Variants in AGO1 observed in about 807,000 individuals in gnomAD.
AGO1 encodes the protein protein argonaute-1.
A neutral mutation model predicts 109.2 loss-of-function variants in AGO1; 11 were observed. The ratio of observed to expected loss-of-function variants is 0.10; its 90% CI spans 0.06 to 0.17. The LOEUF is 0.17. Among genes scored for constraint, AGO1 ranks in the 10% least tolerant of loss-of-function variants. The pLI is 1.00. For synonymous variants in AGO1, 422 were observed against 418.6 expected, an observed-to-expected ratio of 1.01 and a Z score of -0.10; for missense variants, 574 against 1,140.3, an observed-to-expected ratio of 0.50 and a Z score of 7.15.
intron 17 of AGO1, 32 bp downstream of exon 17, chr1:35,918,455 G>A (rs1180376961): frequency 1.3e-6 from 2 of 1,523,182 alleles, no homozygotes; most frequent in Non-Finnish European, 1.8e-6. Context: ...GTTCCAATGG[G>A]TCAAAGATGA....
chr1:35,918,270 T>C, intron 16 of AGO1, 52 bp from the exon 17 acceptor site: 8 of 1,441,342 alleles, frequency 5.6e-6, no homozygotes, highest in Non-Finnish European at 6.8e-6. Context: ...GCCAGGGTCC[T>C]GGTTAGGGCC....
At chr1:35,900,685 C>T (rs1436590922) in intron 8 of AGO1, among the ~76,000 whole-genome samples, 1 of 152,064 alleles carries the variant, frequency 6.6e-6, no homozygotes, top group Non-Finnish European at 1.5e-5. Context: ...CGAGATCGTG[C>T]CATTGCACTT....
In AGO1 at chr1:35,893,883, G is replaced by C. The variant is rs1410213005; in HGVS notation, c.649+73G>C. 6 of 1,560,282 alleles carry C rather than the reference G, an allele frequency of 3.8e-6. No individual in the cohort carries two copies. The highest frequency in any genetic ancestry group is 4.4e-6 in the Non-Finnish European group (5 of 1,148,768). ...CACACTCCCAGCCTCATCCCTCCCA[G>C]CTCTGCAACCACACTCCTAGTCTAA... is the stretch of plus-strand genomic sequence containing the variant. On this transcript the variant is annotated intron_variant, in intron 5 of 18. Coordinates refer to ENST00000373204, the MANE Select transcript of AGO1 (RefSeq NM_012199.5). This position sits in a 1 kb window ranked among gnomAD's most constrained non-coding sequence, Gnocchi z 5.6.
chr1:35,917,099 G>C (rs192415917), intron 15 of AGO1, among the ~76,000 whole-genome samples: 3 of 152,138 alleles, frequency 2.0e-5, no homozygotes, highest in Admixed American at 1.3e-4. Flanking sequence ...CCCTTAGCTA[G>C]CCTGTTTTCT....
At chr1:35,900,366 T>G (rs915877402) in intron 8 of AGO1, among the ~76,000 whole-genome samples, 1 of 152,250 alleles carries the variant, frequency 6.6e-6, no homozygotes, top group Admixed American at 6.5e-5. Flanking sequence ...GTTCCAGAAC[T>G]ATACTCAGTC....
intron 1 of AGO1, among the ~76,000 whole-genome samples, chr1:35,884,360 G>A (rs1258374846): frequency 6.6e-6 from 1 of 152,102 alleles, no homozygotes; most frequent in East Asian, 1.9e-4. Context: ...TATTGGTTAC[G>A]GAGGAATCAA....
At chr1:35,910,624 A>G (rs1231901769) in intron 12 of AGO1, among the ~76,000 whole-genome samples, 1 of 152,128 alleles carries the variant, frequency 6.6e-6, no homozygotes, top group Non-Finnish European at 1.5e-5. Flanking sequence ...ATCATATAGT[A>G]TATACTTTTT....
chr1:35,901,241 G>A lies in AGO1; in HGVS notation c.1021-233G>A, dbSNP rs901584094. On this transcript the variant is annotated intron_variant, in intron 8 of 18. Transcript: ENST00000373204. This position sits in a 1 kb window ranked among gnomAD's most constrained non-coding sequence, Gnocchi z 4.8. ...CCGCCTTGGCCTCCTAAGGTGCTGG[G>A]ATTGCAGGCATGAGCCACCATGCCC... 6.6e-6 allele frequency among the ~76,000 whole-genome samples: 1 copy of A among 152,142 alleles called. No individual in the cohort carries two copies. Among genetic ancestry groups the A allele is most frequent in the Non-Finnish European group, 1.5e-5 (1 of 68,026 alleles).
intron 8 of AGO1, among the ~76,000 whole-genome samples, chr1:35,899,746 C>T (rs1645382052): frequency 6.6e-6 from 1 of 152,168 alleles, no homozygotes; most frequent in South Asian, 2.1e-4. Context: ...GGAATTAGGA[C>T]GAGAACTAGT....
chr1:35,916,549 G>T (rs1323960962), intron 15 of AGO1, among the ~76,000 whole-genome samples: 1 of 152,138 alleles, frequency 6.6e-6, no homozygotes, highest in African/African-American at 2.4e-5. Flanking sequence ...TGTATTTTTA[G>T]TAGAGATGGG....
At position 35,925,531 on chromosome 1, in the gene AGO1, T is replaced by A. The variant is rs992521972; in HGVS notation, c.*5924T>A. ...GAGCAGAAGCTATATTCTCTTCATT[T>A]TTGTCATCTCAGGGTCATGGCATAT... On this transcript the variant is annotated 3_prime_UTR_variant, in exon 19 of 19. Transcript: ENST00000373204. 4 of 151,180 alleles carry A rather than the reference T, an allele frequency of 2.6e-5. No homozygotes were observed. The allele number at this position is 151,180 out of a possible 1,614,324, so 9.4% of individuals were successfully genotyped here.
In AGO1 at chr1:35,919,959, A is replaced by C; in HGVS notation, c.*352A>C. 4.7e-6 allele frequency: 1 copy of C among 212,844 alleles called. No homozygotes were observed. Among genetic ancestry groups the C allele is most frequent in the Non-Finnish European group, 9.5e-6 (1 of 105,436 alleles). The allele number at this position is 212,844 out of a possible 1,614,324, so 13.2% of individuals were successfully genotyped here. A position where few individuals can be genotyped will look rare whatever the true frequency, so the allele number is the denominator to read the frequency against. On this transcript the variant is annotated 3_prime_UTR_variant, in exon 19 of 19. Transcript: ENST00000373204. The surrounding 1 kb of genome is among the most constrained non-coding windows in gnomAD (Gnocchi z 6.6). ...TCATGCTTGACAGCTTGGTAAGGTCAACTCTGTAGCCCTGCAGACAAAAGC... is the reference window on the plus strand; with the variant it reads ...TCATGCTTGACAGCTTGGTAAGGTCCACTCTGTAGCCCTGCAGACAAAAGC...
intron 12 of AGO1, among the ~76,000 whole-genome samples, chr1:35,910,478 C>T (rs796240434): frequency 6.6e-6 from 1 of 152,042 alleles, no homozygotes; most frequent in South Asian, 2.1e-4. Context: ...AGTGTCACAG[C>T]GTAACCAGCA....
Position 35,893,518 on chromosome 1 carries a change from A to G in AGO1, c.513-156A>G, listed in dbSNP as rs1331539042. The G allele has an allele frequency of 1.1e-6, 1 of 892,026 alleles. No homozygotes were observed. The highest frequency in any genetic ancestry group is 2.9e-5 in the Admixed American group (1 of 33,914). 55.3% of individuals were successfully genotyped at this position (892,026 alleles called of 1,614,324 possible). ...CCTGCAGGGCAGAGAGAAGGTAGAA[A>G]CTTGTACAAGGTCAGTCATACAACT... On this transcript the variant is annotated intron_variant, in intron 4 of 18. Coordinates refer to ENST00000373204, the MANE Select transcript of AGO1 (RefSeq NM_012199.5). This position sits in a 1 kb window ranked among gnomAD's most constrained non-coding sequence, Gnocchi z 5.6.
Position 35,892,414 on chromosome 1 carries a change from A to G in AGO1, c.210-143A>G. ...AAATCTCCAGGTGATTCATAGGAATATTAAAGTTTGAGAAGCACTGTCATA... is the reference window on the plus strand; with the variant it reads ...AAATCTCCAGGTGATTCATAGGAATGTTAAAGTTTGAGAAGCACTGTCATA... On this transcript the variant is annotated intron_variant, in intron 2 of 18. Coordinates refer to ENST00000373204, the MANE Select transcript of AGO1 (RefSeq NM_012199.5). The G allele has an allele frequency of 6.6e-6, 7 of 1,065,086 alleles. No homozygotes were observed. In the South Asian group the frequency reaches 7.5e-5, roughly 11 times the overall value. The allele number at this position is 1,065,086 out of a possible 1,614,324, so 66.0% of individuals were successfully genotyped here. A position where few individuals can be genotyped will look rare whatever the true frequency, so the allele number is the denominator to read the frequency against.
intron 12 of AGO1, among the ~76,000 whole-genome samples, chr1:35,910,935 G>A (rs1343238836): frequency 2.0e-5 from 3 of 152,120 alleles, no homozygotes; most frequent in African/African-American, 7.2e-5. Flanking sequence ...GTGTGGTGGC[G>A]GGCGCCTGTA....
chr1:35,883,458 C>T lies in AGO1; in HGVS notation c.25+12C>T, dbSNP rs767782947. 1.0e-5 allele frequency: 16 copies of T among 1,553,650 alleles called. 1 individual carries two copies. The South Asian group carries it at 1.4e-4, about 14-fold the overall frequency. ...ACCCTCGGGAGCAGGTAAGGGTCCC[C>T]AGGAGGGGGAACGGTGCATGCTCCA... On this transcript the variant is annotated intron_variant, in intron 1 of 18. Coordinates refer to ENST00000373204, the MANE Select transcript of AGO1 (RefSeq NM_012199.5). This position sits in a 1 kb window ranked among gnomAD's most constrained non-coding sequence, Gnocchi z 5.4.
At chr1:35,897,021 T>C (rs1438508449) in intron 8 of AGO1, among the ~76,000 whole-genome samples, 1 of 152,226 alleles carries the variant, frequency 6.6e-6, no homozygotes, top group African/African-American at 2.4e-5. Context: ...ATTTAACATA[T>C]ATTTATCGAG....
At chr1:35,889,183 CTTTTTTTT>C (rs35255117) in intron 2 of AGO1, among the ~76,000 whole-genome samples, 1 of 113,408 alleles carries the variant, frequency 8.8e-6, no homozygotes, top group African/African-American at 3.4e-5. Context: ...GTGATATTTC[CTTTTTTTT>C]TTTTTTTTTT....
Sources: allele counts gnomAD v4.1 joint callset (sites outside exome capture counted in the v4.1 genomes callset), GRCh38; gene constraint gnomAD v4.1.1; non-coding constraint Gnocchi (gnomAD v3.1); transcripts MANE v1.5; gene names NCBI Gene and HGNC (gene_info 2026-07-23, HGNC 2026-07-21).